ANKRD6: variants seen among roughly 807,000 people sequenced by gnomAD.
ANKRD6 encodes ankyrin repeat domain-containing protein 6.
In ANKRD6, 56 loss-of-function variants were observed where a neutral mutation model predicts 82.3. That is an observed-to-expected ratio of 0.68 (90% confidence interval 0.55 to 0.85). ANKRD6 has a LOEUF of 0.85. ANKRD6 is among the 40% of genes least tolerant of loss of function. ANKRD6 has a pLI of 0.00. For missense variants in ANKRD6, 852 were observed against 907.6 expected, an observed-to-expected ratio of 0.94 and a Z score of 0.79; for synonymous variants, 347 against 352.1, an observed-to-expected ratio of 0.99 and a Z score of 0.16.
chr6:89,487,330 C>T (rs1777492599), intron 1 of ANKRD6, among the ~76,000 whole-genome samples: 1 of 152,208 alleles, frequency 6.6e-6, no homozygotes, highest in Admixed American at 6.5e-5. Flanking sequence ...AACAAATCCC[C>T]TGGCATTAGA....
At chr6:89,495,607 T>G (rs1263598266) in intron 1 of ANKRD6, among the ~76,000 whole-genome samples, 1 of 152,132 alleles carries the variant, frequency 6.6e-6, no homozygotes, top group Non-Finnish European at 1.5e-5. Flanking sequence ...CCTACTTTCT[T>G]AGTATTTTCA....
chr6:89,598,064 G>A (rs1241654449), intron 3 of ANKRD6: 3 of 975,688 alleles, frequency 3.1e-6, no homozygotes, highest in African/African-American at 1.8e-5. Context: ...ATGATATGAA[G>A]AATTTACTCC....
intron 1 of ANKRD6, among the ~76,000 whole-genome samples, chr6:89,457,112 T>C (rs1773591408): frequency 6.6e-6 from 1 of 152,190 alleles, no homozygotes; most frequent in South Asian, 2.1e-4. Flanking sequence ...TGTATCTCCT[T>C]TCCACTGGCT....
intron 1 of ANKRD6, among the ~76,000 whole-genome samples, chr6:89,447,308 A>G (rs1422837591): frequency 6.6e-6 from 1 of 152,158 alleles, no homozygotes; most frequent in East Asian, 1.9e-4. Context: ...AAGAAAGTGA[A>G]ACAGCCTTAT....
At chr6:89,566,086 T>G (rs954879536) in intron 1 of ANKRD6, among the ~76,000 whole-genome samples, 5 of 152,234 alleles carry the variant, frequency 3.3e-5, no homozygotes, top group South Asian at 2.1e-4. Context: ...AGGGCTTTAG[T>G]GTTCCATAGG....
chr6:89,454,123 T>C (rs1773225037), intron 1 of ANKRD6, among the ~76,000 whole-genome samples: 1 of 152,050 alleles, frequency 6.6e-6, no homozygotes, highest in Non-Finnish European at 1.5e-5. Flanking sequence ...TAATGCGAAG[T>C]TTTTGCTGGT....
At chr6:89,549,060 AAC>A (rs1785469235) in intron 1 of ANKRD6, among the ~76,000 whole-genome samples, 1 of 152,070 alleles carries the variant, frequency 6.6e-6, no homozygotes, top group African/African-American at 2.4e-5. Flanking sequence ...TACAAAAATT[AAC>A]TGGGCATGGT....
intron 3 of ANKRD6, chr6:89,598,108 G>A (rs1229025640): frequency 3.0e-6 from 3 of 985,228 alleles, no homozygotes; most frequent in South Asian, 9.4e-5. Context: ...GATCTTTATG[G>A]CATGGTAAGA....
chr6:89,624,182 T>A, intron 12 of ANKRD6, 125 bp downstream of exon 12: 1 of 1,159,916 alleles, frequency 8.6e-7, no homozygotes, highest in Non-Finnish European at 1.2e-6. Flanking sequence ...GCTTTGAAGG[T>A]AAGCCAGATG....
chr6:89,483,150 G>A (rs1284917146), intron 1 of ANKRD6, among the ~76,000 whole-genome samples: 1 of 152,168 alleles, frequency 6.6e-6, no homozygotes, highest in Admixed American at 6.5e-5. Flanking sequence ...CTTATCTAAA[G>A]CATTCCTCTC....
At chr6:89,560,689 G>A (rs1787274601) in intron 1 of ANKRD6, among the ~76,000 whole-genome samples, 1 of 152,144 alleles carries the variant, frequency 6.6e-6, no homozygotes, top group Non-Finnish European at 1.5e-5. Context: ...CGGGCATCAT[G>A]GTAGTCGTCT....
intron 1 of ANKRD6, among the ~76,000 whole-genome samples, chr6:89,468,937 A>G (rs7765688): frequency 0.31 from 46,825 of 151,806 alleles, 7,473 homozygotes; most frequent in African/African-American, 0.37. Flanking sequence ...CACCTTAAGA[A>G]TAATGATTGT....
At chr6:89,511,866 C>T (rs1379210308) in intron 1 of ANKRD6, among the ~76,000 whole-genome samples, 2 of 151,972 alleles carry the variant, frequency 1.3e-5, no homozygotes, top group African/African-American at 4.8e-5. Context: ...AAAGGGAAGT[C>T]AAAGGAAGTG....
chr6:89,495,509 G>A (rs1778504610), intron 1 of ANKRD6, among the ~76,000 whole-genome samples: 1 of 152,144 alleles, frequency 6.6e-6, no homozygotes, highest in Non-Finnish European at 1.5e-5. Context: ...CTTGTGTTGT[G>A]TCTGGGACTC....
chr6:89,567,000 T>A lies in ANKRD6; in HGVS notation c.24T>A (p.Ala8=), dbSNP rs1788663853. 1 of 1,600,736 alleles carries A rather than the reference T, an allele frequency of 6.2e-7. No individual in the cohort carries two copies. Among genetic ancestry groups the A allele is most frequent in the South Asian group, 1.1e-5 (1 of 88,278 alleles). Reference sequence around the variant, plus strand: ...TCATGAGCCAGCAAGATGCGGTCGCTGCACTTTCAGAGCGCCTTCTCGTAG... The same window carrying A: ...TCATGAGCCAGCAAGATGCGGTCGCAGCACTTTCAGAGCGCCTTCTCGTAG... MSQQDAV[A]ALSERLLVAA... is the part of the protein sequence containing the mutation. Residue 8 remains alanine (A), a synonymous_variant, in exon 2 of 16, where the codon GCT becomes GCA. Coordinates refer to ENST00000339746, the MANE Select transcript of ANKRD6 (RefSeq NM_001242809.2).
chr6:89,454,786 G>A (rs775977735), intron 1 of ANKRD6, among the ~76,000 whole-genome samples: 4 of 152,040 alleles, frequency 2.6e-5, no homozygotes, highest in Non-Finnish European at 4.4e-5. Flanking sequence ...CGAACCAAAT[G>A]TACATTTTTA....
At chr6:89,502,074 ATC>A (rs1779332034) in intron 1 of ANKRD6, among the ~76,000 whole-genome samples, 1 of 152,110 alleles carries the variant, frequency 6.6e-6, no homozygotes, top group Non-Finnish European at 1.5e-5. Context: ...CTTGCCTTAA[ATC>A]TCTTTTTATT....
intron 1 of ANKRD6, among the ~76,000 whole-genome samples, chr6:89,520,939 G>A (rs1159535581): frequency 6.6e-6 from 1 of 152,140 alleles, no homozygotes; most frequent in Non-Finnish European, 1.5e-5. Flanking sequence ...AGTGATCCAT[G>A]ACTGTGCTAC....
intron 2 of ANKRD6, among the ~76,000 whole-genome samples, chr6:89,574,464 G>A (rs1330514609): frequency 6.6e-6 from 1 of 152,170 alleles, no homozygotes; most frequent in African/African-American, 2.4e-5. Context: ...GATAGCACAT[G>A]TTGCCATAGT....
Sources: gnomAD v4.1 joint callset for allele counts (sites outside exome capture counted in the v4.1 genomes callset) on GRCh38, gnomAD v4.1.1 for gene constraint, MANE v1.5 for transcripts, NCBI Gene and HGNC (gene_info 2026-07-23, HGNC 2026-07-21) for gene names.